THSD7B: variants seen among roughly 807,000 people sequenced by gnomAD.
The protein encoded by THSD7B is thrombospondin type 1 domain containing 7B, also known as thrombospondin type-1 domain-containing protein 7B.
In THSD7B, 138 loss-of-function variants were observed where a neutral mutation model predicts 213.6. The ratio of observed to expected loss-of-function variants is 0.65; its 90% CI spans 0.56 to 0.74. The LOEUF (loss-of-function observed/expected upper bound fraction) is 0.74. Among genes scored for constraint, THSD7B ranks in the 30% least tolerant of loss-of-function variants. The pLI is 0.00. For missense variants in THSD7B, 1,931 were observed against 1,991.5 expected (o/e 0.97, Z 0.58); for synonymous variants, 742 against 687.0 (o/e 1.08, Z -1.25).
intron 1 of THSD7B, among the ~76,000 whole-genome samples, chr2:136,780,719 G>T (rs1681726493): frequency 6.6e-6 from 1 of 152,166 alleles, no homozygotes. Context: ...TTTTTGAACA[G>T]AGTGTTTAAA....
chr2:136,951,131 A>G (rs16837656), intron 2 of THSD7B, among the ~76,000 whole-genome samples: 12,547 of 152,120 alleles, frequency 0.082, 902 homozygotes, highest in African/African-American at 0.19. Flanking sequence ...TCACAACATC[A>G]CTAATTGTAG....
intron 7 of THSD7B, among the ~76,000 whole-genome samples, chr2:137,226,304 T>G (rs533620249): frequency 6.6e-6 from 1 of 151,940 alleles, no homozygotes; most frequent in African/African-American, 2.4e-5. Flanking sequence ...GTTGGTCTAC[T>G]TTTCAAATTA....
chr2:137,589,367 T>C (rs747481656), intron 17 of THSD7B, among the ~76,000 whole-genome samples: 3 of 152,192 alleles, frequency 2.0e-5, no homozygotes, highest in Admixed American at 6.5e-5. Flanking sequence ...CCCAGAATCA[T>C]ATAAATAAAA....
chr2:137,655,230 T>A (rs1336797452), intron 21 of THSD7B, among the ~76,000 whole-genome samples: 2 of 152,236 alleles, frequency 1.3e-5, no homozygotes, highest in African/African-American at 4.8e-5. Context: ...GTTTTCTTTT[T>A]TAGTCAATCT....
At chr2:136,902,351 T>C (rs1426127934) in intron 2 of THSD7B, among the ~76,000 whole-genome samples, 1 of 152,232 alleles carries the variant, frequency 6.6e-6, no homozygotes, top group Non-Finnish European at 1.5e-5. Flanking sequence ...ATTGTCATTG[T>C]TTGGATCGTT....
intron 15 of THSD7B, among the ~76,000 whole-genome samples, chr2:137,506,220 A>G (rs1386119120): frequency 6.6e-6 from 1 of 152,208 alleles, no homozygotes; most frequent in Non-Finnish European, 1.5e-5. Flanking sequence ...TACAGAAGCT[A>G]GAATGAGGCT....
chr2:137,538,868 A>G (rs770134224), intron 15 of THSD7B, among the ~76,000 whole-genome samples: 9 of 151,702 alleles, frequency 5.9e-5, no homozygotes, highest in Non-Finnish European at 1.2e-4. Flanking sequence ...AGAATGTCTT[A>G]AATGTCATTG....
At chr2:137,021,040 T>C (rs1443380222) in intron 2 of THSD7B, among the ~76,000 whole-genome samples, 2 of 152,200 alleles carry the variant, frequency 1.3e-5, no homozygotes, top group Non-Finnish European at 2.9e-5. Context: ...CTTACTACCA[T>C]GGAGGGTTCA....
chr2:137,329,090 G>A (rs1428004043), intron 12 of THSD7B, among the ~76,000 whole-genome samples: 1 of 152,154 alleles, frequency 6.6e-6, no homozygotes, highest in African/African-American at 2.4e-5. Context: ...GGCAGAGACT[G>A]GAAAAGTTTG....
intron 5 of THSD7B, among the ~76,000 whole-genome samples, chr2:137,143,887 T>G (rs1032647255): frequency 6.6e-6 from 1 of 152,092 alleles, no homozygotes; most frequent in African/African-American, 2.4e-5. Flanking sequence ...CATCTGAATT[T>G]TTTTGATTTG....
At chr2:137,619,432 C>T (rs568165077) in intron 19 of THSD7B, among the ~76,000 whole-genome samples, 12 of 152,350 alleles carry the variant, frequency 7.9e-5, no homozygotes, top group African/African-American at 2.4e-4. Flanking sequence ...CTGCAGACTA[C>T]GTCACCAGTC....
intron 1 of THSD7B, among the ~76,000 whole-genome samples, chr2:136,812,090 C>T (rs1287471330): frequency 6.6e-6 from 1 of 152,178 alleles, no homozygotes; most frequent in Non-Finnish European, 1.5e-5. Flanking sequence ...ATTTCTCAAA[C>T]TTCTTAGGAT....
At chr2:137,461,230 C>T (rs899048742) in intron 15 of THSD7B, among the ~76,000 whole-genome samples, 3 of 151,902 alleles carry the variant, frequency 2.0e-5, no homozygotes, top group African/African-American at 7.3e-5. Context: ...TCAGTACATG[C>T]CTAAGAGTAG....
intron 14 of THSD7B, among the ~76,000 whole-genome samples, chr2:137,442,272 G>A (rs962088310): frequency 6.6e-6 from 1 of 152,074 alleles, no homozygotes; most frequent in African/African-American, 2.4e-5. Context: ...CATTCAGACT[G>A]TGCTAACTGC....
intron 14 of THSD7B, among the ~76,000 whole-genome samples, chr2:137,412,597 C>CA (rs748551585): frequency 0.21 from 5,113 of 23,910 alleles, 946 homozygotes; most frequent in Non-Finnish European, 0.28. Context: ...AACTCTGTCT[C>CA]AAAAAAAAAA....
At chr2:136,986,713 G>T (rs1166188617) in intron 2 of THSD7B, among the ~76,000 whole-genome samples, 1 of 152,060 alleles carries the variant, frequency 6.6e-6, no homozygotes, top group African/African-American at 2.4e-5. Flanking sequence ...TTTTTTGAAA[G>T]TCAGATTAGT....
At chr2:136,865,440 G>A (rs1683318140) in intron 1 of THSD7B, among the ~76,000 whole-genome samples, 1 of 152,188 alleles carries the variant, frequency 6.6e-6, no homozygotes. Flanking sequence ...TGCTTGGTGG[G>A]ACATTGGATT....
chr2:137,376,486 G>A (rs975490320), intron 12 of THSD7B, among the ~76,000 whole-genome samples: 1 of 152,046 alleles, frequency 6.6e-6, no homozygotes, highest in Non-Finnish European at 1.5e-5. Context: ...TTTTTCTTCT[G>A]ATTTGGAAGT....
chr2:137,410,566 G>A (rs1272326495), intron 13 of THSD7B, among the ~76,000 whole-genome samples: 1 of 152,154 alleles, frequency 6.6e-6, no homozygotes, highest in African/African-American at 2.4e-5. Flanking sequence ...ACCATGCCCA[G>A]CTTAGAAATT....
Sources: gnomAD v4.1 joint callset for allele counts (sites outside exome capture counted in the v4.1 genomes callset) on GRCh38, gnomAD v4.1.1 for gene constraint, MANE v1.5 for transcripts, NCBI Gene and HGNC (gene_info 2026-07-23, HGNC 2026-07-21) for gene names.